H2BC12: variants seen among roughly 807,000 people sequenced by gnomAD.
The protein encoded by H2BC12 is histone H2B type 1-K.
A neutral mutation model predicts 6.3 loss-of-function variants in H2BC12; 6 were observed. The observed-to-expected ratio is 0.95, with a 90% CI of 0.52 to 1.87. H2BC12 has a LOEUF of 1.87. Among genes scored for constraint, H2BC12 ranks in the 40% most tolerant of loss-of-function variants. The pLI is 0.01. For synonymous variants in H2BC12, 132 were observed against 78.5 expected (o/e 1.68, Z -3.60); for missense variants, 119 against 178.4 (o/e 0.67, Z 1.90).
the H2BC12 span, chr6:27,139,360 C>T: frequency 1.9e-6 from 3 of 1,613,984 alleles, no homozygotes; most frequent in South Asian, 1.1e-5. Context: ...GGGTGCCAAG[C>T]GCCACCGCAA....
chr6:27,142,429 C>T (rs185955653), downstream of H2BC12, among the ~76,000 whole-genome samples: 3 of 150,200 alleles, frequency 2.0e-5, no homozygotes, highest in Non-Finnish European at 3.0e-5. Flanking sequence ...CGTACTACCA[C>T]GCCAGGCTAA....
chr6:27,139,664 A>G, the H2BC12 span: 2 of 1,563,060 alleles, frequency 1.3e-6, no homozygotes, highest in African/African-American at 1.4e-5. Context: ...GGCCCTTTTT[A>G]GGGCCCCTAA....
At chr6:27,139,217 C>T in the H2BC12 span, 1 of 1,416,506 alleles carries the variant, frequency 7.1e-7, no homozygotes, top group Non-Finnish European at 9.5e-7. Flanking sequence ...CCCGCCAAAG[C>T]TCTTCCGGTT....
chr6:27,138,298 G>C, the H2BC12 span, among the ~76,000 whole-genome samples: 1 of 152,148 alleles, frequency 6.6e-6, no homozygotes, highest in Admixed American at 6.5e-5. Context: ...ATTAATAAGA[G>C]AAAAGGCATA....
At chr6:27,141,360 T>A in the H2BC12 span, among the ~76,000 whole-genome samples, 4 of 152,122 alleles carry the variant, frequency 2.6e-5, no homozygotes, top group African/African-American at 9.7e-5. Flanking sequence ...GAGATAGATT[T>A]TATTACTCTT....
chr6:27,139,819 C>A, the H2BC12 span: 2 of 892,048 alleles, frequency 2.2e-6, no homozygotes, highest in South Asian at 2.2e-5. Flanking sequence ...CGAGATTTTT[C>A]CAAGGCCAGA....
chr6:27,141,130 G>GCTA, the H2BC12 span, among the ~76,000 whole-genome samples: 1 of 151,786 alleles, frequency 6.6e-6, no homozygotes, highest in African/African-American at 2.4e-5. Flanking sequence ...TTCTGAAATC[G>GCTA]CTGTAAGAGT....
chr6:27,145,363 C>G (rs1175763646), downstream of H2BC12, among the ~76,000 whole-genome samples: 2 of 151,372 alleles, frequency 1.3e-5, no homozygotes, highest in Non-Finnish European at 2.9e-5. Context: ...AACTGGCCTA[C>G]ATTTCTAAAT....
At chr6:27,140,126 G>A in the H2BC12 span, among the ~76,000 whole-genome samples, 9 of 152,120 alleles carry the variant, frequency 5.9e-5, no homozygotes, top group Non-Finnish European at 2.9e-5. Flanking sequence ...CTGTAGAACA[G>A]TAGGGCAGTC....
chr6:27,139,770 A>G, the H2BC12 span: 1 of 1,310,798 alleles, frequency 7.6e-7, no homozygotes, highest in Non-Finnish European at 1.0e-6. Flanking sequence ...GATTAACTCG[A>G]CGCCGAAAAT....
chr6:27,138,659 G>A, the H2BC12 span: 1 of 152,166 alleles, frequency 6.6e-6, no homozygotes, highest in African/African-American at 2.4e-5. Context: ...GTCATATCAG[G>A]AAATTCCAGA....
At chr6:27,145,813 C>T (rs930370797), downstream of H2BC12, among the ~76,000 whole-genome samples, 28 of 152,206 alleles carry the variant, frequency 1.8e-4, no homozygotes, top group African/African-American at 6.5e-4. Flanking sequence ...CCTCCCCTTA[C>T]CCTTGCAGAC....
At chr6:27,146,201 A>G (rs1397248799), downstream of H2BC12, among the ~76,000 whole-genome samples, 1 of 152,238 alleles carries the variant, frequency 6.6e-6, no homozygotes, top group African/African-American at 2.4e-5. Context: ...TTCCTCACTC[A>G]GTACTAACAA....
the H2BC12 span, chr6:27,139,959 C>T: frequency 3.0e-5 from 8 of 267,346 alleles, no homozygotes; most frequent in Non-Finnish European, 5.3e-5. Context: ...AATTAACTTC[C>T]CTCTGGACCT....
chr6:27,139,742 T>G, the H2BC12 span: 1 of 1,394,430 alleles, frequency 7.2e-7, no homozygotes, highest in Non-Finnish European at 9.5e-7. Flanking sequence ...CAGTGAGTTC[T>G]GTCATCCTAT....
chr6:27,140,883 T>C, the H2BC12 span, among the ~76,000 whole-genome samples: 1 of 151,478 alleles, frequency 6.6e-6, no homozygotes, highest in Non-Finnish European at 1.5e-5. Context: ...GTGACAAATA[T>C]ATTCTGTCAC....
Position 27,146,379 on chromosome 6 carries a change from G to T in H2BC12, c.*39C>A. 6.2e-7 allele frequency: 1 copy of T among 1,613,590 alleles called. No homozygotes were observed. Among genetic ancestry groups the T allele is most frequent in the Non-Finnish European group, 8.5e-7 (1 of 1,179,844 alleles). On this transcript the variant is annotated 3_prime_UTR_variant, in exon 1 of 1. Coordinates refer to ENST00000356950, the MANE Select transcript of H2BC12 (RefSeq NM_001312653.2). ...GATAATTTAAGTGGCTCTTAAAAGAGCCTTTGGGGTTGGGCTTTAAGACGC... is the reference window on the plus strand; with the variant it reads ...GATAATTTAAGTGGCTCTTAAAAGATCCTTTGGGGTTGGGCTTTAAGACGC...
At chr6:27,142,950 T>A (rs1212991082), downstream of H2BC12, among the ~76,000 whole-genome samples, 1 of 152,098 alleles carries the variant, frequency 6.6e-6, no homozygotes, top group Non-Finnish European at 1.5e-5. Flanking sequence ...ATATTTCTAT[T>A]TGAGTAGTGT....
the H2BC12 span, chr6:27,139,674 AG>A: frequency 6.5e-7 from 1 of 1,539,206 alleles, no homozygotes; most frequent in East Asian, 2.3e-5. Context: ...AGGGCCCCTA[AG>A]CTTTCAACAA....
Sources: allele counts gnomAD v4.1 joint callset (sites outside exome capture counted in the v4.1 genomes callset), GRCh38; gene constraint gnomAD v4.1.1; transcripts MANE v1.5; gene names NCBI Gene and HGNC (gene_info 2026-07-23, HGNC 2026-07-21).